Variants in PI4KA observed in about 807,000 individuals in gnomAD.
PI4KA encodes phosphatidylinositol 4-kinase alpha, also known as PI4-kinase alpha.
Under a neutral mutation model 271.4 loss-of-function variants are expected in PI4KA, and 122 were observed. The ratio of observed to expected loss-of-function variants is 0.45; its 90% CI spans 0.39 to 0.52. The LOEUF (loss-of-function observed/expected upper bound fraction) is 0.52, where lower values mean the gene tolerates loss of function less well. Among genes scored for constraint, PI4KA ranks in the 20% least tolerant of loss-of-function variants. PI4KA has a pLI of 0.00. For synonymous variants in PI4KA, 1,041 were observed against 1,078.8 expected, an observed-to-expected ratio of 0.96 and a Z score of 0.69; for missense variants, 1,969 against 2,769.1, an observed-to-expected ratio of 0.71 and a Z score of 6.48.
Position 20,799,182 on chromosome 22 carries a change from G to A in PI4KA, c.1915C>T (p.Gln639Ter). 2 of 1,607,010 alleles carry A rather than the reference G, an allele frequency of 1.2e-6. No homozygotes were observed. The highest frequency in any genetic ancestry group is 2.2e-5 in the East Asian group (1 of 44,776). Reference sequence around the variant, plus strand: ...TGGCAGAATTTCTGCTGTAGGATCTGCAGAATGGGCTCCATGACCTTCGGG... The same window carrying A: ...TGGCAGAATTTCTGCTGTAGGATCTACAGAATGGGCTCCATGACCTTCGGG... The part of the protein sequence containing the change: ...DTPKVMEPIL[Q>*]ILQQKFCQPP... Residue 639 changes from glutamine (Q) to a stop codon, truncating the protein, a stop_gained, in exon 16 of 55, where the codon CAG becomes TAG. Coordinates refer to ENST00000255882, the MANE Select transcript of PI4KA (RefSeq NM_058004.4). LOFTEE classifies it high-confidence loss of function.
intron 3 of PI4KA, among the ~76,000 whole-genome samples, chr22:20,832,428 T>C (rs1403526038): frequency 6.6e-6 from 1 of 150,788 alleles, no homozygotes; most frequent in African/African-American, 2.4e-5. Context: ...ATTCTTGAAG[T>C]GAGTTTTTCA....
At chr22:20,721,822 G>A (rs1482486005) in intron 42 of PI4KA, 1 of 186,716 alleles carries the variant, frequency 5.4e-6, no homozygotes, top group Non-Finnish European at 1.1e-5. Flanking sequence ...GAAACATGCA[G>A]AGATACCTCC....
Position 20,796,279 on chromosome 22 carries a change from T to C in PI4KA, c.2144A>G (p.Asn715Ser). Reference sequence around the variant, plus strand: ...CTCGTCTTGGATGTTGGCCGCGATGTTGGCCAGGGCATTAATCACTGCCAG... The same window carrying C: ...CTCGTCTTGGATGTTGGCCGCGATGCTGGCCAGGGCATTAATCACTGCCAG... ...CSLAVINALA[N>S]IAANIQDEHL... The change falls in exon 18 of 55, where the codon AAC becomes AGC. Residue 715 changes from asparagine (N) to serine (S), a missense_variant. Physicochemically the swap from Asn to Ser is conservative, Grantham distance 46. Coordinates refer to ENST00000255882, the MANE Select transcript of PI4KA (RefSeq NM_058004.4). 2 of 1,614,032 alleles carry C rather than the reference T, an allele frequency of 1.2e-6. No individual in the cohort carries two copies. The highest frequency in any genetic ancestry group is 2.2e-5 in the East Asian group (1 of 44,872).
chr22:20,846,204 C>T (rs1926219624), intron 1 of PI4KA, among the ~76,000 whole-genome samples: 1 of 138,240 alleles, frequency 7.2e-6, no homozygotes. Flanking sequence ...GCAGAGCTTG[C>T]AGTGAGCCAA....
intron 23 of PI4KA, among the ~76,000 whole-genome samples, 160 bp downstream of exon 23, chr22:20,761,144 G>A (rs921185956): frequency 3.3e-5 from 5 of 152,238 alleles, no homozygotes; most frequent in South Asian, 4.1e-4. Context: ...GAACCATTAA[G>A]GCGTATATTT....
At chr22:20,806,341 A>C (rs1935649428) in intron 10 of PI4KA, among the ~76,000 whole-genome samples, 2 of 152,160 alleles carry the variant, frequency 1.3e-5, no homozygotes, top group Admixed American at 1.3e-4. Context: ...CTAGAAGAAA[A>C]TGCTAAATTG....
intron 1 of PI4KA, among the ~76,000 whole-genome samples, chr22:20,845,023 C>T (rs1452064013): frequency 6.6e-6 from 1 of 152,118 alleles, no homozygotes; most frequent in Non-Finnish European, 1.5e-5. Flanking sequence ...AATCTGACCA[C>T]GATGGCCAGG....
At chr22:20,745,542 A>G (rs1929954694) in intron 29 of PI4KA, among the ~76,000 whole-genome samples, 2 of 152,140 alleles carry the variant, frequency 1.3e-5, no homozygotes, top group Non-Finnish European at 2.9e-5. Context: ...GATGTTGGGG[A>G]ACATCAAAAT....
chr22:20,815,670 G>A (rs928880567), intron 7 of PI4KA, among the ~76,000 whole-genome samples: 1 of 152,134 alleles, frequency 6.6e-6, no homozygotes, highest in African/African-American at 2.4e-5. Flanking sequence ...TGGGAGCTGA[G>A]ACGCCAAGAG....
chr22:20,799,009 A>G (rs1935140041), intron 16 of PI4KA, 84 bp downstream of exon 16: 2 of 1,120,182 alleles, frequency 1.8e-6, no homozygotes, highest in South Asian at 3.0e-5. Flanking sequence ...GGTATATTTA[A>G]TCTGTATTTG....
Position 20,824,339 on chromosome 22 carries a change from G to A in PI4KA, c.443C>T (p.Ser148Leu). 3.1e-6 allele frequency: 5 copies of A among 1,610,592 alleles called. No homozygotes were observed. Among genetic ancestry groups the A allele is most frequent in the Non-Finnish European group, 4.2e-6 (5 of 1,176,868 alleles). ...LLSDVAYRDP[S>L]LRDEILEVLL... ...ACACATGCTTACCTCATCCCTAAGT[G>A]AAGGATCCCTATAGGCCACATCAGA... The change falls in exon 4 of 55, where the codon TCA (serine) becomes TTA (leucine). Residue 148 changes from serine to leucine, a missense_variant. Ser to Leu is a moderately radical substitution (Grantham distance 145). This residue lies in a region of PI4KA where 540 missense variants were observed against 555.5 expected (regional missense o/e 0.97). Transcript: ENST00000255882.
intron 1 of PI4KA, among the ~76,000 whole-genome samples, chr22:20,843,911 G>A (rs1158469412): frequency 6.6e-6 from 1 of 152,030 alleles, no homozygotes; most frequent in Non-Finnish European, 1.5e-5. Context: ...AGGCCGCTAT[G>A]TATCAATTCT....
chr22:20,824,302 C>T (rs755632357), intron 4 of PI4KA, 24 bp downstream of exon 4: 3 of 1,480,488 alleles, frequency 2.0e-6, no homozygotes, highest in African/African-American at 2.8e-5. Context: ...GAAATGCATA[C>T]CAAATCAACC....
rs757210794 is a variant in PI4KA at position 20,729,345 on chromosome 22, G to A, written c.4650C>T (p.Ile1550=). ...WKDNVNLAWS[I]SPYLAVQLPA... ...GCAGCTGCACGGCTAGGTAGGGAGA[G>A]ATGCTCCAGGCGAGGTTCACGTTGT... Residue 1550 remains isoleucine (I), a synonymous_variant, in exon 39 of 55, where the codon ATC becomes ATT. Transcript: ENST00000255882. 4 of 1,614,052 alleles carry A rather than the reference G, an allele frequency of 2.5e-6. No homozygotes were observed. In the South Asian group the frequency reaches 4.4e-5, roughly 18 times the overall value.
chr22:20,723,315 C>T (rs536978502), intron 42 of PI4KA, among the ~76,000 whole-genome samples: 68 of 152,110 alleles, frequency 4.5e-4, no homozygotes, highest in Middle Eastern at 3.4e-3. Flanking sequence ...CCACCGCGCC[C>T]GGCCTACTGT....
intron 13 of PI4KA, among the ~76,000 whole-genome samples, chr22:20,802,774 T>C (rs1935402650): frequency 6.6e-6 from 1 of 152,166 alleles, no homozygotes; most frequent in South Asian, 2.1e-4. Flanking sequence ...CATGAGACTG[T>C]GGGTAAGAGG....
chr22:20,726,132 T>C (rs1927318705), intron 42 of PI4KA, among the ~76,000 whole-genome samples: 2 of 152,162 alleles, frequency 1.3e-5, no homozygotes, highest in Non-Finnish European at 2.9e-5. Flanking sequence ...CTAATGCATA[T>C]GTCATCTCGT....
intron 19 of PI4KA, among the ~76,000 whole-genome samples, chr22:20,771,191 G>A (rs528707174): frequency 2.6e-5 from 4 of 152,118 alleles, no homozygotes; most frequent in Middle Eastern, 3.4e-3. Flanking sequence ...TTGGGAGGCC[G>A]ATGCGGGCGG....
chr22:20,721,234 T>A, intron 43 of PI4KA, 64 bp downstream of exon 43: 1 of 1,578,828 alleles, frequency 6.3e-7, no homozygotes, highest in Non-Finnish European at 8.7e-7. Context: ...CTGGGGGCTG[T>A]AGAAGGTGCT....
Sources: gnomAD v4.1 joint callset for allele counts (sites outside exome capture counted in the v4.1 genomes callset) on GRCh38, gnomAD v4.1.1 for gene constraint, gnomAD v4.1.1 regional missense constraint, MANE v1.5 for transcripts, NCBI Gene and HGNC (gene_info 2026-07-23, HGNC 2026-07-21) for gene names.